The following TBC1D31 variants were observed in gnomAD, a reference collection of about 807,000 sequenced individuals.
TBC1D31 encodes the protein TBC1 domain family member 31, also known as WD repeat domain 67.
Under a neutral mutation model 132.9 loss-of-function variants are expected in TBC1D31, and 99 were observed. The observed-to-expected ratio is 0.74, with a 90% CI of 0.63 to 0.88. TBC1D31 has a LOEUF of 0.88. Ranked by LOEUF, TBC1D31 falls within the 40% of genes least tolerant of loss-of-function variation. The pLI, the probability that TBC1D31 is intolerant of heterozygous loss-of-function variation, is 0.00. For synonymous variants in TBC1D31, 385 were observed against 419.4 expected (o/e 0.92, Z 1.00); for missense variants, 1,134 against 1,256.6 (o/e 0.90, Z 1.48).
chr8:123,106,698 G>A (rs1817963997), intron 8 of TBC1D31, among the ~76,000 whole-genome samples: 1 of 152,160 alleles, frequency 6.6e-6, no homozygotes, highest in African/African-American at 2.4e-5. Flanking sequence ...GTCTAAAACA[G>A]ATTACAGCTT....
Position 123,129,069 on chromosome 8 carries a change from G to A in TBC1D31, c.2121G>A (p.Gln707=). ...ATAATAATATTACCTACTTAAGGCA[G>A]ACAGTTGAAGATATGCAAGCTAAAG... is the stretch of plus-strand genomic sequence containing the variant. The part of the protein sequence containing the change: ...NDELDYLRER[Q]TVEDMQAKVD... The change falls in exon 15 of 22, where the codon CAG becomes CAA. Residue 707 remains glutamine, a synonymous_variant. Coordinates refer to ENST00000287380, the MANE Select transcript of TBC1D31 (RefSeq NM_145647.4). The A allele has an allele frequency of 6.4e-7, 1 of 1,573,562 alleles. No homozygotes were observed. Among genetic ancestry groups the A allele is most frequent in the Non-Finnish European group, 8.7e-7 (1 of 1,155,840 alleles).
At chr8:123,127,261 A>ATTTTTTT (rs35198781) in intron 13 of TBC1D31, among the ~76,000 whole-genome samples, 2 of 69,924 alleles carry the variant, frequency 2.9e-5, no homozygotes, top group Non-Finnish European at 5.1e-5. Context: ...TGCTTTTTGC[A>ATTTTTTT]TTTTTTTTTT....
intron 17 of TBC1D31, among the ~76,000 whole-genome samples, chr8:123,135,072 G>T (rs904967046): frequency 6.6e-6 from 1 of 152,140 alleles, no homozygotes; most frequent in East Asian, 1.9e-4. Context: ...TCTAATTTTT[G>T]TGTTTTTTGT....
chr8:123,132,506 C>T (rs924481818), intron 16 of TBC1D31, among the ~76,000 whole-genome samples: 5 of 149,664 alleles, frequency 3.3e-5, no homozygotes, highest in African/African-American at 4.9e-5. Flanking sequence ...CTCCACCTCC[C>T]GGATTCAAGC....
At chr8:123,118,458 T>C (rs1314450111) in intron 10 of TBC1D31, among the ~76,000 whole-genome samples, 1 of 152,172 alleles carries the variant, frequency 6.6e-6, no homozygotes, top group Non-Finnish European at 1.5e-5. Context: ...TGTGGGAGAA[T>C]TATAATCCCA....
Position 123,086,718 on chromosome 8 carries a change from C to CT in TBC1D31, c.519+2392dup, listed in dbSNP as rs112065086. ...CTCCCCTTCCTTCTTCCTCCCTGTT[C>CT]TTTTTTTTTTTTTTCCTTTGCAACG... On this transcript the variant is annotated intron_variant, in intron 4 of 21. Transcript: ENST00000287380. 6.0e-3 allele frequency among the ~76,000 whole-genome samples: 852 copies of CT among 142,486 alleles called. 6 individuals are homozygous for CT. The highest frequency in any genetic ancestry group is 9.0e-3 in the Admixed American group (127 of 14,156). 93.5% of individuals were successfully genotyped at this position (142,486 alleles called of 152,430 possible). A position where few individuals can be genotyped will look rare whatever the true frequency, so the allele number is the denominator to read the frequency against.
At chr8:123,078,908 A>G (rs1563665793) in intron 2 of TBC1D31, among the ~76,000 whole-genome samples, 1 of 152,246 alleles carries the variant, frequency 6.6e-6, no homozygotes. Flanking sequence ...AGCCTAGCAA[A>G]CACTGCCTTA....
At chr8:123,089,436 T>C (rs571982249) in intron 4 of TBC1D31, among the ~76,000 whole-genome samples, 1 of 152,324 alleles carries the variant, frequency 6.6e-6, no homozygotes, top group South Asian at 2.1e-4. Context: ...GCTTAAGCTG[T>C]AGGGTGGCAG....
At chr8:123,101,732 T>TTTAA (rs1372396638) in intron 7 of TBC1D31, among the ~76,000 whole-genome samples, 5 of 152,112 alleles carry the variant, frequency 3.3e-5, no homozygotes, top group Non-Finnish European at 5.9e-5. Context: ...AAATTTGAAA[T>TTTAA]ATCTGTAAAT....
chr8:123,127,345 A>G (rs1472300427), intron 13 of TBC1D31, among the ~76,000 whole-genome samples: 5 of 126,570 alleles, frequency 4.0e-5, no homozygotes, highest in Non-Finnish European at 7.7e-5. Context: ...GTCCCGGTTC[A>G]CTGCAACCTC....
intron 19 of TBC1D31, among the ~76,000 whole-genome samples, 196 bp from the exon 20 acceptor site, chr8:123,144,521 C>A (rs1821997694): frequency 6.6e-6 from 1 of 152,152 alleles, no homozygotes; most frequent in Non-Finnish European, 1.5e-5. Context: ...TTGGATAAAA[C>A]CTGCCTCTGC....
intron 11 of TBC1D31, among the ~76,000 whole-genome samples, chr8:123,125,288 C>G (rs545802915): frequency 6.6e-6 from 1 of 152,246 alleles, no homozygotes; most frequent in Non-Finnish European, 1.5e-5. Flanking sequence ...ATCTGTGGGT[C>G]GTTCTACTGA....
intron 4 of TBC1D31, among the ~76,000 whole-genome samples, chr8:123,086,678 AT>A (rs1815788213): frequency 6.8e-6 from 1 of 147,806 alleles, no homozygotes. Context: ...CACATCACCG[AT>A]TCCCCCTCCC....
intron 16 of TBC1D31, among the ~76,000 whole-genome samples, chr8:123,130,623 C>CTTTTTTTTTT (rs774112527): frequency 7.3e-6 from 1 of 136,124 alleles, no homozygotes; most frequent in African/African-American, 2.7e-5. Context: ...CTTTTCTTTT[C>CTTTTTTTTTT]TTTTTTTTTT....
chr8:123,105,172 G>A, intron 7 of TBC1D31, 116 bp from the exon 8 acceptor site: 1 of 719,434 alleles, frequency 1.4e-6, no homozygotes, highest in East Asian at 3.3e-5. Context: ...TTTGCCTGAA[G>A]AATAATTCTA....
At chr8:123,102,403 T>C (rs1487119650) in intron 7 of TBC1D31, 2 of 359,648 alleles carry the variant, frequency 5.6e-6, no homozygotes, top group Admixed American at 8.0e-5. Context: ...CTTTTTGTTT[T>C]ATCTTTTAAA....
intron 7 of TBC1D31, chr8:123,103,155 G>C (rs1002223138): frequency 1.3e-5 from 2 of 152,206 alleles, no homozygotes; most frequent in Non-Finnish European, 2.9e-5. Context: ...TGACTTTATA[G>C]AACCACTGCA....
At chr8:123,117,689 G>C (rs12547773) in intron 10 of TBC1D31, among the ~76,000 whole-genome samples, 83,444 of 146,634 alleles carry the variant, frequency 0.57, 23,759 homozygotes, top group Admixed American at 0.63. Flanking sequence ...GGAGGCGGAG[G>C]TTGCAGTGAG....
intron 14 of TBC1D31, among the ~76,000 whole-genome samples, 165 bp downstream of exon 14, chr8:123,128,678 C>T (rs1338419719): frequency 6.6e-6 from 1 of 151,882 alleles, no homozygotes; most frequent in Non-Finnish European, 1.5e-5. Context: ...AGTTCGAGAC[C>T]AGCCTGGCCA....
Sources: allele counts gnomAD v4.1 joint callset (sites outside exome capture counted in the v4.1 genomes callset), GRCh38; gene constraint gnomAD v4.1.1; transcripts MANE v1.5; gene names NCBI Gene and HGNC (gene_info 2026-07-23, HGNC 2026-07-21).